Variants in PDE4B observed in about 807,000 individuals in gnomAD.
PDE4B encodes phosphodiesterase 4B, also known as 3',5'-cyclic-AMP phosphodiesterase 4B.
PDE4B carries 20 observed loss-of-function variants against 82.2 expected under a neutral mutation model. The ratio of observed to expected loss-of-function variants is 0.24; its 90% CI spans 0.17 to 0.35. The LOEUF (loss-of-function observed/expected upper bound fraction) is 0.35, where lower values mean the gene tolerates loss of function less well. Ranked by LOEUF, PDE4B falls within the 10% of genes least tolerant of loss-of-function variation. PDE4B has a pLI of 1.00. For missense variants in PDE4B, 655 were observed against 907.2 expected, an observed-to-expected ratio of 0.72 and a Z score of 3.57; for synonymous variants, 320 against 318.9, an observed-to-expected ratio of 1.00 and a Z score of -0.04.
intron 3 of PDE4B, among the ~76,000 whole-genome samples, chr1:66,015,114 G>T (rs1038185500): frequency 6.6e-6 from 1 of 152,032 alleles, no homozygotes; most frequent in African/African-American, 2.4e-5. Flanking sequence ...CTTAACTTTT[G>T]CCTTTAAGAC....
At chr1:66,322,721 G>C (rs553155160) in intron 7 of PDE4B, among the ~76,000 whole-genome samples, 8 of 151,610 alleles carry the variant, frequency 5.3e-5, no homozygotes, top group Non-Finnish European at 1.2e-4. Flanking sequence ...GAAACCAGTA[G>C]GTTTCAACAC....
chr1:66,191,914 T>C (rs1647842353), intron 3 of PDE4B, among the ~76,000 whole-genome samples: 2 of 152,172 alleles, frequency 1.3e-5, no homozygotes, highest in African/African-American at 4.8e-5. Flanking sequence ...ACCTTGAGAA[T>C]AGTATGGGGG....
At chr1:65,841,885 C>T (rs748530731) in intron 1 of PDE4B, among the ~76,000 whole-genome samples, 6 of 152,130 alleles carry the variant, frequency 3.9e-5, no homozygotes, top group East Asian at 3.9e-4. Flanking sequence ...ATAATTAAAC[C>T]GTCAAGCAGC....
chr1:65,882,194 T>C (rs1221915469), intron 1 of PDE4B, among the ~76,000 whole-genome samples: 1 of 152,230 alleles, frequency 6.6e-6, no homozygotes, highest in Non-Finnish European at 1.5e-5. Context: ...GAGATGTCAC[T>C]GTTTAGTGAT....
At chr1:66,268,667 CAAAAAAAAAAAAAA>C (rs36046564) in intron 7 of PDE4B, among the ~76,000 whole-genome samples, 8 of 61,238 alleles carry the variant, frequency 1.3e-4, no homozygotes, top group African/African-American at 4.3e-4. Context: ...GACTCCATCT[CAAAAAAAAAAAAAA>C]AAAAAAAAAA....
intron 3 of PDE4B, among the ~76,000 whole-genome samples, chr1:66,168,333 C>A (rs1245942064): frequency 6.6e-6 from 1 of 151,794 alleles, no homozygotes; most frequent in Non-Finnish European, 1.5e-5. Flanking sequence ...GTATATTAGA[C>A]AGTGATGTTG....
intron 7 of PDE4B, chr1:66,331,831 G>A (rs1447762820): frequency 3.1e-5 from 31 of 985,256 alleles, no homozygotes; most frequent in Non-Finnish European, 3.6e-5. Flanking sequence ...TTAGACTGGA[G>A]TCTTATCAGG....
intron 3 of PDE4B, among the ~76,000 whole-genome samples, chr1:66,047,443 C>A (rs1345081659): frequency 1.3e-5 from 2 of 151,828 alleles, no homozygotes; most frequent in African/African-American, 4.8e-5. Flanking sequence ...CTTAGACTAG[C>A]CTAGAAGTCC....
chr1:65,982,712 A>G (rs927763755), intron 3 of PDE4B, among the ~76,000 whole-genome samples: 5 of 152,192 alleles, frequency 3.3e-5, no homozygotes, highest in African/African-American at 1.2e-4. Context: ...ACTGAAGGTG[A>G]CAGAACTGGG....
In PDE4B at chr1:65,798,494, G is replaced by A. The variant is rs1232924055; in HGVS notation, c.-71+5246G>A. Among the ~76,000 whole-genome samples the A allele has an allele frequency of 4.3e-5, 4 of 92,724 alleles. 1 individual carries two copies. Among genetic ancestry groups the A allele is most frequent in the South Asian group, 3.5e-4 (1 of 2,878 alleles). 60.8% of individuals were successfully genotyped at this position (92,724 alleles called of 152,430 possible). On this transcript the variant is annotated intron_variant, in intron 1 of 16. Transcript: ENST00000341517. ...AGGATGGTCTCGATCTCCTGACCTC[G>A]TGATCCACCCGCCTCGGCCTCCCAA...
intron 1 of PDE4B, among the ~76,000 whole-genome samples, chr1:65,893,577 A>G (rs896972978): frequency 6.6e-6 from 1 of 152,116 alleles, no homozygotes; most frequent in African/African-American, 2.4e-5. Context: ...ACCATGGAAG[A>G]CAGTATGGAG....
intron 1 of PDE4B, among the ~76,000 whole-genome samples, chr1:65,889,887 A>G (rs562817032): frequency 1.8e-4 from 27 of 152,136 alleles, no homozygotes; most frequent in Non-Finnish European, 3.4e-4. Flanking sequence ...AGTAAATGTA[A>G]TACACACTTC....
intron 3 of PDE4B, among the ~76,000 whole-genome samples, chr1:65,968,028 A>G (rs1396964002): frequency 6.6e-6 from 1 of 151,924 alleles, no homozygotes; most frequent in Non-Finnish European, 1.5e-5. Flanking sequence ...TTAAAAAAAG[A>G]AAAAAAATGC....
intron 3 of PDE4B, among the ~76,000 whole-genome samples, chr1:65,934,870 A>G (rs769131041): frequency 2.6e-5 from 4 of 152,186 alleles, no homozygotes; most frequent in Non-Finnish European, 5.9e-5. Context: ...ATATAAAGCA[A>G]AAATCGACAC....
chr1:65,823,047 G>T (rs1156511355), intron 1 of PDE4B, among the ~76,000 whole-genome samples: 3 of 151,924 alleles, frequency 2.0e-5, no homozygotes, highest in Admixed American at 6.6e-5. Context: ...TGCCATTCTT[G>T]CTTCCTCTTC....
intron 3 of PDE4B, among the ~76,000 whole-genome samples, chr1:66,134,368 C>T (rs947979581): frequency 3.3e-5 from 5 of 152,300 alleles, no homozygotes; most frequent in East Asian, 3.9e-4. Flanking sequence ...AAAGGTACCA[C>T]GGCCTTTTAC....
intron 7 of PDE4B, among the ~76,000 whole-genome samples, chr1:66,284,071 C>T (rs951458670): frequency 6.6e-6 from 1 of 152,078 alleles, no homozygotes; most frequent in Non-Finnish European, 1.5e-5. Context: ...AGTCGTGGGG[C>T]AGACAAACAT....
intron 3 of PDE4B, among the ~76,000 whole-genome samples, chr1:66,059,380 A>G (rs1037841482): frequency 6.6e-6 from 1 of 152,152 alleles, no homozygotes; most frequent in East Asian, 1.9e-4. Context: ...CCACATTTTC[A>G]GGTATCTTTT....
rs146171751 is a variant in PDE4B at position 66,058,360 on chromosome 1, G to T, written c.281+139525G>T. On this transcript the variant is annotated intron_variant, in intron 3 of 16. Transcript: ENST00000341517. ...AGGTGCATGGTGCAAGCTGTCAGTG[G>T]TTCTACCACTCTGTTGTCTAGAGGA... 2.0e-5 allele frequency among the ~76,000 whole-genome samples: 3 copies of T among 152,180 alleles called. No individual in the cohort carries two copies. In the East Asian group the frequency reaches 5.8e-4, roughly 29 times the overall value.
Sources: gnomAD v4.1 joint callset for allele counts (sites outside exome capture counted in the v4.1 genomes callset) on GRCh38, gnomAD v4.1.1 for gene constraint, MANE v1.5 for transcripts, NCBI Gene and HGNC (gene_info 2026-07-23, HGNC 2026-07-21) for gene names.